Variants in FBXL17 observed in about 807,000 individuals in gnomAD.
FBXL17 encodes the protein F-box and leucine rich repeat protein 17, also known as F-box/LRR-repeat protein 17.
In FBXL17, 22 loss-of-function variants were observed where a neutral mutation model predicts 66.2. The ratio of observed to expected loss-of-function variants is 0.33; its 90% confidence interval spans 0.24 to 0.47. The LOEUF is 0.47. Ranked by LOEUF, FBXL17 falls within the 20% of genes least tolerant of loss-of-function variation. The pLI is 1.00. For synonymous variants in FBXL17, 474 were observed against 400.5 expected, an observed-to-expected ratio of 1.18 and a Z score of -2.19; for missense variants, 878 against 948.2, an observed-to-expected ratio of 0.93 and a Z score of 0.97.
intron 2 of FBXL17, among the ~76,000 whole-genome samples, chr5:108,365,396 CTACT>C (rs1748598842): frequency 6.6e-6 from 1 of 152,012 alleles, no homozygotes. Context: ...ACTTTCAACA[CTACT>C]TACAGGAGAG....
intron 5 of FBXL17, among the ~76,000 whole-genome samples, chr5:108,211,629 T>C (rs1248975486): frequency 6.6e-6 from 1 of 152,254 alleles, no homozygotes; most frequent in African/African-American, 2.4e-5. Flanking sequence ...AAAATTCTTT[T>C]CTTTAAGAAT....
At chr5:108,012,227 A>G (rs979562596) in intron 7 of FBXL17, among the ~76,000 whole-genome samples, 1 of 152,200 alleles carries the variant, frequency 6.6e-6, no homozygotes, top group Admixed American at 6.5e-5. Context: ...AAGAGGATTC[A>G]GAAAAAATTT....
intron 6 of FBXL17, among the ~76,000 whole-genome samples, chr5:108,119,978 G>T (rs775470265): frequency 4.6e-5 from 7 of 152,166 alleles, no homozygotes; most frequent in Non-Finnish European, 7.3e-5. Context: ...TTCATAGTGT[G>T]CATTCATTAT....
intron 6 of FBXL17, among the ~76,000 whole-genome samples, chr5:108,091,833 G>A (rs185431174): frequency 1.2e-3 from 182 of 152,246 alleles, no homozygotes; most frequent in African/African-American, 3.9e-3. Flanking sequence ...TGAGGTACAC[G>A]TAAGAATTCT....
chr5:108,274,941 T>C lies in FBXL17; in HGVS notation c.1507-50713A>G, dbSNP rs926877917. ...ACTATTATTATCCTAATTATACATA[T>C]AAGGAAACTGGAGAGCAGAGAGGTT... On this transcript the variant is annotated intron_variant, in intron 4 of 8. Coordinates refer to ENST00000542267, the MANE Select transcript of FBXL17 (RefSeq NM_001163315.3). 2.4e-4 allele frequency among the ~76,000 whole-genome samples: 36 copies of C among 152,256 alleles called. 1 individual carries two copies. In the East Asian group the frequency reaches 5.2e-3, roughly 22 times the overall value.
intron 3 of FBXL17, among the ~76,000 whole-genome samples, chr5:108,359,963 A>T (rs7724245): frequency 0.12 from 18,098 of 152,100 alleles, 1,340 homozygotes; most frequent in Admixed American, 0.16. Context: ...TATATATTTT[A>T]AGGATTCTGT....
At chr5:108,336,234 T>C (rs1760377035) in intron 4 of FBXL17, among the ~76,000 whole-genome samples, 1 of 152,236 alleles carries the variant, frequency 6.6e-6, no homozygotes, top group Non-Finnish European at 1.5e-5. Flanking sequence ...GCGTGGTGTA[T>C]TACTCTCAAA....
intron 4 of FBXL17, among the ~76,000 whole-genome samples, chr5:108,265,686 A>G (rs970949190): frequency 2.6e-5 from 4 of 152,188 alleles, no homozygotes; most frequent in Non-Finnish European, 5.9e-5. Flanking sequence ...GGAAAACAAT[A>G]TTTAATCATC....
At chr5:108,093,741 A>C (rs1171428293) in intron 6 of FBXL17, among the ~76,000 whole-genome samples, 2 of 152,198 alleles carry the variant, frequency 1.3e-5, no homozygotes, top group Admixed American at 1.3e-4. Context: ...GGTAGGTCTA[A>C]GGGTAAGTAC....
At chr5:108,320,197 G>T (rs1341897629) in intron 4 of FBXL17, among the ~76,000 whole-genome samples, 9 of 150,664 alleles carry the variant, frequency 6.0e-5, no homozygotes, top group Non-Finnish European at 1.0e-4. Flanking sequence ...CTTTGTTTTT[G>T]TCTTTTCATA....
intron 6 of FBXL17, among the ~76,000 whole-genome samples, chr5:108,114,719 A>T (rs1009009605): frequency 6.6e-6 from 1 of 152,192 alleles, no homozygotes; most frequent in Non-Finnish European, 1.5e-5. Context: ...ATGCCTGTAA[A>T]GAGAATTAGA....
chr5:108,086,416 C>A (rs1748972076), intron 6 of FBXL17, among the ~76,000 whole-genome samples: 1 of 152,156 alleles, frequency 6.6e-6, no homozygotes, highest in African/African-American at 2.4e-5. Context: ...CTTCATCAAA[C>A]CTAAGCATAA....
At chr5:107,890,240 G>T (rs1749151668) in intron 7 of FBXL17, among the ~76,000 whole-genome samples, 1 of 152,048 alleles carries the variant, frequency 6.6e-6, no homozygotes, top group Admixed American at 6.6e-5. Context: ...ATGTTAGTTT[G>T]CAGAGATGGG....
rs140714264 is a variant in FBXL17, at chr5:108,377,764, G to T, written c.993+2935C>A. 2.7e-3 allele frequency among the ~76,000 whole-genome samples: 416 copies of T among 152,250 alleles called. 3 individuals carry two copies. Among genetic ancestry groups the T allele is most frequent in the African/African-American group, 8.6e-3 (359 of 41,536 alleles). ...ATTTCTTGCGGATATTTTTATGCTT[G>T]TCCTCCTCATTTTATAAATGAGAAA... is the stretch of plus-strand genomic sequence containing the variant. On this transcript the variant is annotated intron_variant, in intron 1 of 8. Transcript: ENST00000542267.
At chr5:108,317,866 A>C (rs187582069) in intron 4 of FBXL17, among the ~76,000 whole-genome samples, 1 of 151,488 alleles carries the variant, frequency 6.6e-6, no homozygotes, top group Admixed American at 6.6e-5. Context: ...TAATGAATCA[A>C]TCATTCACTA....
intron 7 of FBXL17, among the ~76,000 whole-genome samples, chr5:107,921,543 G>A (rs1245424552): frequency 1.3e-5 from 2 of 152,142 alleles, no homozygotes; most frequent in South Asian, 2.1e-4. Context: ...GGGGCTGGTC[G>A]TAAAAAGGAA....
At chr5:108,357,429 C>T (rs1288718416) in intron 3 of FBXL17, among the ~76,000 whole-genome samples, 1 of 151,974 alleles carries the variant, frequency 6.6e-6, no homozygotes, top group Non-Finnish European at 1.5e-5. Flanking sequence ...AAAGATCCAG[C>T]AGGCAGAAAA....
intron 7 of FBXL17, among the ~76,000 whole-genome samples, chr5:107,928,399 A>G (rs540126992): frequency 6.6e-6 from 1 of 151,236 alleles, no homozygotes; most frequent in African/African-American, 2.4e-5. Context: ...TCTTTCCAAG[A>G]GACAAAAAGC....
At chr5:108,051,441 A>G (rs1747470026) in intron 6 of FBXL17, among the ~76,000 whole-genome samples, 1 of 152,242 alleles carries the variant, frequency 6.6e-6, no homozygotes, top group Non-Finnish European at 1.5e-5. Flanking sequence ...AACATATGCA[A>G]ATAAATAAAT....
Sources: allele counts gnomAD v4.1 joint callset (sites outside exome capture counted in the v4.1 genomes callset), GRCh38; gene constraint gnomAD v4.1.1; transcripts MANE v1.5; gene names NCBI Gene and HGNC (gene_info 2026-07-23, HGNC 2026-07-21).